Variants in CCBE1 observed in about 807,000 individuals in gnomAD.
CCBE1 encodes collagen and calcium-binding EGF domain-containing protein 1.
In CCBE1, 37 loss-of-function variants were observed where a neutral mutation model predicts 50.0. That is an observed-to-expected ratio of 0.74 (90% confidence interval 0.57 to 0.97). The LOEUF (loss-of-function observed/expected upper bound fraction) is 0.97, where lower values mean the gene tolerates loss of function less well. CCBE1 is among the 50% of genes least tolerant of loss of function. CCBE1 has a pLI of 0.00. For missense variants in CCBE1, 538 were observed against 523.8 expected, an observed-to-expected ratio of 1.03 and a Z score of -0.26; for synonymous variants, 234 against 203.7, an observed-to-expected ratio of 1.15 and a Z score of -1.27.
chr18:59,544,123 ATATC>A lies in CCBE1; in HGVS notation c.213-63889_213-63886del, dbSNP rs757058921. Reference sequence around the variant, plus strand: ...CACAAAAACTAAAATAATTTATAAAATATCTATCAGAAGATAACAAATAAGCAGC... The same window carrying A: ...CACAAAAACTAAAATAATTTATAAAATATCAGAAGATAACAAATAAGCAGC... On this transcript the variant is annotated intron_variant, in intron 2 of 10. Coordinates refer to ENST00000439986, the MANE Select transcript of CCBE1 (RefSeq NM_133459.4). Among the ~76,000 whole-genome samples, 29 of 152,324 alleles carry A rather than the reference ATATC, an allele frequency of 1.9e-4. 1 individual carries two copies. The highest frequency in any genetic ancestry group is 1.9e-4 in the Non-Finnish European group (13 of 68,026).
chr18:59,682,321 T>C (rs1285423484), intron 2 of CCBE1, among the ~76,000 whole-genome samples: 4 of 152,102 alleles, frequency 2.6e-5, no homozygotes, highest in African/African-American at 4.8e-5. Flanking sequence ...GCTGAGATCA[T>C]GCCACTGCAC....
At chr18:59,467,173 A>T (rs1911791488) in intron 4 of CCBE1, among the ~76,000 whole-genome samples, 1 of 152,188 alleles carries the variant, frequency 6.6e-6, no homozygotes, top group Non-Finnish European at 1.5e-5. Context: ...GCCTTCAGAG[A>T]TCTCACTTAC....
intron 2 of CCBE1, among the ~76,000 whole-genome samples, chr18:59,621,957 T>C (rs1235395840): frequency 1.3e-5 from 2 of 152,150 alleles, no homozygotes; most frequent in African/African-American, 4.8e-5. Flanking sequence ...TCACAGCCCA[T>C]CTAAACGACA....
intron 2 of CCBE1, among the ~76,000 whole-genome samples, chr18:59,579,169 ATC>A (rs2053046782): frequency 6.6e-6 from 1 of 152,168 alleles, no homozygotes; most frequent in African/African-American, 2.4e-5. Context: ...CAGGTGAGTT[ATC>A]TTTTTTGACA....
rs1044325287 is a variant in CCBE1 at position 59,440,924 on chromosome 18, C to G, written c.776-1108G>C. ...GTGTGTGTGTAGGGGCTGCTGAAAG[C>G]TCAGAGTATAAACACTGAGAAAAAT... On this transcript the variant is annotated intron_variant, in intron 7 of 10. Transcript: ENST00000439986. Among the ~76,000 whole-genome samples, 10 of 152,322 alleles carry G rather than the reference C, an allele frequency of 6.6e-5. No individual in the cohort carries two copies. The East Asian group carries it at 1.9e-3, about 29-fold the overall frequency.
intron 2 of CCBE1, among the ~76,000 whole-genome samples, chr18:59,659,781 T>C (rs900473227): frequency 6.6e-6 from 1 of 152,158 alleles, no homozygotes; most frequent in Non-Finnish European, 1.5e-5. Flanking sequence ...GCAGAAACTT[T>C]TCCCACTGCC....
chr18:59,496,618 G>T (rs1913368552), intron 2 of CCBE1, among the ~76,000 whole-genome samples: 1 of 152,240 alleles, frequency 6.6e-6, no homozygotes, highest in African/African-American at 2.4e-5. Flanking sequence ...TGCCTAATGG[G>T]ACTGAAAATA....
intron 2 of CCBE1, among the ~76,000 whole-genome samples, chr18:59,577,090 C>T (rs1056457164): frequency 6.6e-6 from 1 of 152,174 alleles, no homozygotes; most frequent in African/African-American, 2.4e-5. Flanking sequence ...AACTTGTGTT[C>T]GTGGAGACGC....
At chr18:59,696,506 C>T in intron 2 of CCBE1, 123 bp downstream of exon 2, 1 of 1,556,720 alleles carries the variant, frequency 6.4e-7, no homozygotes, top group Non-Finnish European at 8.7e-7. Flanking sequence ...ACGCACCCAG[C>T]AGGTTCCAGC....
chr18:59,580,080 C>T (rs375826723), intron 2 of CCBE1, among the ~76,000 whole-genome samples: 119 of 152,224 alleles, frequency 7.8e-4, no homozygotes, highest in Middle Eastern at 3.4e-3. Context: ...GCAGTTGTTG[C>T]TCTATTGTAG....
chr18:59,437,922 T>C (rs892175642), intron 10 of CCBE1, among the ~76,000 whole-genome samples, 189 bp downstream of exon 10: 16 of 152,192 alleles, frequency 1.1e-4, no homozygotes, highest in Non-Finnish European at 1.9e-4. Flanking sequence ...AAAACAAATT[T>C]GAAAAATAAA....
At chr18:59,619,294 T>C (rs2144601508) in intron 2 of CCBE1, among the ~76,000 whole-genome samples, 1 of 152,322 alleles carries the variant, frequency 6.6e-6, no homozygotes, top group East Asian at 1.9e-4. Context: ...AAGCCAGGTG[T>C]ATTTATTTAT....
rs916916774 is a variant in CCBE1 at position 59,453,455 on chromosome 18, T to A, written c.654+1396A>T. On this transcript the variant is annotated intron_variant, in intron 6 of 10. Transcript: ENST00000439986. ...TCTTCCTATTAGGATCATAAGCTAT[T>A]TAGGGTTAAATCTATGTTTTATTCA... Among the ~76,000 whole-genome samples, 16 of 152,308 alleles carry A rather than the reference T, an allele frequency of 1.1e-4. No homozygotes were observed. The East Asian group carries it at 3.1e-3, about 29-fold the overall frequency.
At chr18:59,632,844 G>T (rs2053867535) in intron 2 of CCBE1, among the ~76,000 whole-genome samples, 1 of 151,962 alleles carries the variant, frequency 6.6e-6, no homozygotes. Flanking sequence ...CCTGACCTCG[G>T]GTGATCCACC....
chr18:59,433,980 C>G lies in CCBE1; in HGVS notation c.*1928G>C, dbSNP rs569998311. The G allele has an allele frequency of 6.7e-6, 1 of 149,246 alleles. No individual in the cohort carries two copies. Among genetic ancestry groups the G allele is most frequent in the African/African-American group, 2.5e-5 (1 of 40,290 alleles). 9.2% of individuals were successfully genotyped at this position (149,246 alleles called of 1,614,324 possible). On this transcript the variant is annotated 3_prime_UTR_variant, in exon 11 of 11. Transcript: ENST00000439986. ...GCAGTAGCGCAATCTAGGCTCCCCC[C>G]GCAGGTTAAAGTAATTCTCCTGCCT...
At chr18:59,697,620 C>G, upstream of CCBE1, 1 of 447,038 alleles carries the variant, frequency 2.2e-6, no homozygotes, top group Non-Finnish European at 4.0e-6. Context: ...TTCAAGTTGT[C>G]TCGTCGGGAC....
At chr18:59,466,072 G>C in intron 5 of CCBE1, among the ~76,000 whole-genome samples, 1 of 151,804 alleles carries the variant, frequency 6.6e-6, no homozygotes, top group Non-Finnish European at 1.5e-5. Context: ...TGTCCTCTGA[G>C]GTACCTGATT....
intron 2 of CCBE1, among the ~76,000 whole-genome samples, chr18:59,624,564 C>T (rs1311711606): frequency 2.0e-5 from 3 of 152,120 alleles, no homozygotes; most frequent in South Asian, 2.1e-4. Context: ...GGCTGAAGGC[C>T]CAATGGAGTT....
In CCBE1 at chr18:59,435,792, A is replaced by G; in HGVS notation, c.*116T>C. ...AGAGGAGTGGAGAGACGTCAGGAGA[A>G]GAGAAGAGAAAAATGTATGTTTTCT... On this transcript the variant is annotated 3_prime_UTR_variant, in exon 11 of 11. Transcript: ENST00000439986. 1.1e-6 allele frequency: 1 copy of G among 930,108 alleles called. No homozygotes were observed. Among genetic ancestry groups the G allele is most frequent in the Admixed American group, 1.7e-5 (1 of 58,376 alleles). 57.6% of individuals were successfully genotyped at this position (930,108 alleles called of 1,614,324 possible). A position where few individuals can be genotyped will look rare whatever the true frequency, so the allele number is the denominator to read the frequency against.
Sources: gnomAD v4.1 joint callset for allele counts (sites outside exome capture counted in the v4.1 genomes callset) on GRCh38, gnomAD v4.1.1 for gene constraint, MANE v1.5 for transcripts, NCBI Gene and HGNC (gene_info 2026-07-23, HGNC 2026-07-21) for gene names.